STAG1: variants seen among roughly 807,000 people sequenced by gnomAD.
The protein encoded by STAG1 is STAG1 cohesin complex component, also known as cohesin subunit SA-1.
Under a neutral mutation model 170.9 loss-of-function variants are expected in STAG1, and 26 were observed. The ratio of observed to expected loss-of-function variants is 0.15; its 90% CI spans 0.11 to 0.21. The LOEUF is 0.21. Ranked by LOEUF, STAG1 falls within the 10% of genes least tolerant of loss-of-function variation. STAG1 has a pLI of 1.00. For missense variants in STAG1, 964 were observed against 1,509.5 expected (o/e 0.64, Z 5.99); for synonymous variants, 514 against 497.7 (o/e 1.03, Z -0.44).
At chr3:136,510,180 A>G (rs711976) in intron 7 of STAG1, among the ~76,000 whole-genome samples, 119,013 of 152,160 alleles carry the variant, frequency 0.78, 46,649 homozygotes, top group East Asian at 0.86. Flanking sequence ...ATCTTACCTC[A>G]AATTGTAATC....
intron 5 of STAG1, among the ~76,000 whole-genome samples, chr3:136,556,526 T>A (rs747269699): frequency 7.2e-5 from 11 of 152,058 alleles, no homozygotes; most frequent in Admixed American, 7.2e-4. Context: ...TCAATATAAT[T>A]CCATTTAAAA....
chr3:136,367,593 C>T (rs1937124551), intron 24 of STAG1, among the ~76,000 whole-genome samples: 2 of 152,034 alleles, frequency 1.3e-5, no homozygotes, highest in South Asian at 2.1e-4. Flanking sequence ...TTTCAATATT[C>T]CTTATGTGTT....
At chr3:136,341,617 C>T in intron 30 of STAG1, 66 bp from the exon 31 acceptor site, 1 of 1,040,630 alleles carries the variant, frequency 9.6e-7, no homozygotes. Context: ...GAGCCCCAAG[C>T]TAAGAAAGCC....
chr3:136,584,974 C>T (rs1173722682), intron 4 of STAG1, among the ~76,000 whole-genome samples: 1 of 152,182 alleles, frequency 6.6e-6, no homozygotes, highest in Non-Finnish European at 1.5e-5. Flanking sequence ...AATCATAACT[C>T]ACATTCTTGT....
At chr3:136,353,652 T>C (rs1421505530) in intron 28 of STAG1, among the ~76,000 whole-genome samples, 1 of 152,216 alleles carries the variant, frequency 6.6e-6, no homozygotes, top group East Asian at 1.9e-4. Flanking sequence ...GCAATCTTCC[T>C]GCTTCAGCCT....
rs142002704 is a variant in STAG1 at position 136,539,754 on chromosome 3, A to T, written c.471+2365T>A. 4.2e-4 allele frequency among the ~76,000 whole-genome samples: 64 copies of T among 152,342 alleles called. 1 individual carries two copies. Among genetic ancestry groups the T allele is most frequent in the African/African-American group, 1.5e-3 (63 of 41,586 alleles). On this transcript the variant is annotated intron_variant, in intron 6 of 33. Transcript: ENST00000383202. ...GACATTACAATCACAAAGCACTGCT[A>T]TGTGCAGGTTTATAGGTATTTTAAA...
chr3:136,642,264 CTTTTTTTTTTTTT>C (rs10592920), intron 1 of STAG1, among the ~76,000 whole-genome samples: 15 of 84,948 alleles, frequency 1.8e-4, no homozygotes, highest in South Asian at 5.1e-4. Flanking sequence ...GACAGAATTT[CTTTTTTTTTTTTT>C]TTTTTTTTTT....
At chr3:136,735,476 G>A (rs1934281430) in intron 1 of STAG1, among the ~76,000 whole-genome samples, 1 of 150,654 alleles carries the variant, frequency 6.6e-6, no homozygotes, top group Non-Finnish European at 1.5e-5. Flanking sequence ...TCATTTTGTT[G>A]CCCAGGCTAG....
At chr3:136,727,659 G>C (rs1055277095) in intron 1 of STAG1, among the ~76,000 whole-genome samples, 2 of 152,124 alleles carry the variant, frequency 1.3e-5, no homozygotes, top group Non-Finnish European at 2.9e-5. Context: ...CATGCTAGGT[G>C]TAACAGGTTA....
At chr3:136,610,771 T>C (rs1420672685) in intron 3 of STAG1, among the ~76,000 whole-genome samples, 1 of 152,242 alleles carries the variant, frequency 6.6e-6, no homozygotes, top group Admixed American at 6.5e-5. Context: ...TTACTCTTTG[T>C]TCTGTGAAGT....
At chr3:136,509,119 T>A (rs1380937643) in intron 7 of STAG1, among the ~76,000 whole-genome samples, 1 of 152,224 alleles carries the variant, frequency 6.6e-6, no homozygotes, top group Non-Finnish European at 1.5e-5. Flanking sequence ...ACAGTACAAG[T>A]ACAAGCATTG....
chr3:136,565,124 AAAGAGAAAGGG>A (rs1298148029), intron 5 of STAG1, among the ~76,000 whole-genome samples: 1 of 149,258 alleles, frequency 6.7e-6, no homozygotes, highest in African/African-American at 2.5e-5. Context: ...GAAAGAAAGG[AAAGAGAAAGGG>A]AAGAGAAAGG....
chr3:136,464,567 GA>G (rs1345611815), intron 13 of STAG1, among the ~76,000 whole-genome samples: 2 of 152,066 alleles, frequency 1.3e-5, no homozygotes, highest in African/African-American at 4.8e-5. Context: ...GAATTTTAAA[GA>G]AAAAACTAGT....
intron 16 of STAG1, among the ~76,000 whole-genome samples, chr3:136,428,371 G>A (rs1290711675): frequency 6.6e-6 from 1 of 152,196 alleles, no homozygotes; most frequent in Non-Finnish European, 1.5e-5. Context: ...CCTGAAGCCA[G>A]GAAGTACCTT....
intron 1 of STAG1, among the ~76,000 whole-genome samples, chr3:136,639,211 T>C (rs1576700570): frequency 6.9e-6 from 1 of 143,892 alleles, no homozygotes; most frequent in South Asian, 2.2e-4. Context: ...GGCCTTGGAG[T>C]CCCAGCTACT....
intron 1 of STAG1, among the ~76,000 whole-genome samples, chr3:136,714,748 A>G (rs1943474047): frequency 6.7e-6 from 1 of 150,144 alleles, no homozygotes; most frequent in Non-Finnish European, 1.5e-5. Context: ...ATAAATAAAT[A>G]AATAAAATAA....
At chr3:136,405,735 A>C (rs1365750395) in intron 21 of STAG1, among the ~76,000 whole-genome samples, 1 of 133,776 alleles carries the variant, frequency 7.5e-6, no homozygotes, top group African/African-American at 2.8e-5. Flanking sequence ...AGGTGTCTGT[A>C]ATCCCAGATT....
intron 6 of STAG1, among the ~76,000 whole-genome samples, chr3:136,524,027 A>C (rs1025834968): frequency 2.6e-5 from 4 of 152,214 alleles, no homozygotes; most frequent in Admixed American, 6.5e-5. Context: ...GTCAGGTAGC[A>C]TGATGCCTCC....
intron 1 of STAG1, among the ~76,000 whole-genome samples, chr3:136,632,298 T>A (rs570991177): frequency 1.6e-4 from 25 of 152,172 alleles, no homozygotes; most frequent in Middle Eastern, 3.2e-3. Flanking sequence ...CTGAATCTAA[T>A]AAAACTTACA....
Sources: allele counts gnomAD v4.1 joint callset (sites outside exome capture counted in the v4.1 genomes callset), GRCh38; gene constraint gnomAD v4.1.1; transcripts MANE v1.5; gene names NCBI Gene and HGNC (gene_info 2026-07-23, HGNC 2026-07-21).